Variants in CLEC18A observed in about 807,000 individuals in gnomAD.
CLEC18A encodes mannose receptor-like 1.
CLEC18A carries 5 observed loss-of-function variants against 24.0 expected under a neutral mutation model. The observed-to-expected ratio is 0.21, with a 90% CI of 0.11 to 0.44. CLEC18A has a LOEUF of 0.44. CLEC18A is among the 20% of genes least tolerant of loss of function. The pLI, the probability that CLEC18A is intolerant of heterozygous loss-of-function variation, is 0.99. For missense variants in CLEC18A, 83 were observed against 233.4 expected, an observed-to-expected ratio of 0.36 and a Z score of 4.20; for synonymous variants, 29 against 100.1, an observed-to-expected ratio of 0.29 and a Z score of 4.24.
downstream of CLEC18A, among the ~76,000 whole-genome samples, chr16:69,965,203 A>T (rs1202403376): frequency 6.6e-6 from 1 of 151,848 alleles, no homozygotes; most frequent in Non-Finnish European, 1.5e-5. Context: ...CGGGGTGATC[A>T]CACAGATGCC....
At chr16:69,947,022 AGGAAAGTCTTT>A (rs1234921087), upstream of CLEC18A, among the ~76,000 whole-genome samples, 3 of 81,574 alleles carry the variant, frequency 3.7e-5, no homozygotes, top group African/African-American at 1.3e-4. Context: ...GATCTTAGGG[AGGAAAGTCTTT>A]GGTCTCACTG....
the CLEC18A span, among the ~76,000 whole-genome samples, chr16:69,944,209 T>G: frequency 7.5e-6 from 1 of 133,668 alleles, no homozygotes; most frequent in Non-Finnish European, 1.8e-5. Flanking sequence ...AGCAGGAGAA[T>G]CGCTTGAACC....
the CLEC18A span, among the ~76,000 whole-genome samples, chr16:69,945,451 CA>C: frequency 6.6e-6 from 1 of 152,234 alleles, no homozygotes; most frequent in Non-Finnish European, 1.5e-5. Context: ...TATTCTTTTT[CA>C]AATGTGTTTT....
Position 69,955,642 on chromosome 16 carries a change from G to A in CLEC18A, c.456+1069G>A, listed in dbSNP as rs1351343384. Among the ~76,000 whole-genome samples the A allele has an allele frequency of 8.1e-5, 12 of 148,206 alleles. No individual in the cohort carries two copies. The South Asian group carries it at 1.5e-3, about 19-fold the overall frequency. Reference sequence around the variant, plus strand: ...GCTGGGATTACGCGTGTGAGACACCGCACCCAGCCTCAAACGTAAATTTAA... The same window carrying A: ...GCTGGGATTACGCGTGTGAGACACCACACCCAGCCTCAAACGTAAATTTAA... On this transcript the variant is annotated intron_variant, in intron 3 of 11. Coordinates refer to ENST00000288040, the MANE Select transcript of CLEC18A (RefSeq NM_001370523.4).
upstream of CLEC18A, among the ~76,000 whole-genome samples, chr16:69,948,461 T>G (rs1311852166): frequency 3.3e-5 from 5 of 151,296 alleles, 1 homozygote; most frequent in Non-Finnish European, 5.9e-5. Context: ...CAGGAAGAGA[T>G]AAAATGACTC....
At chr16:69,946,067 T>TGGA, upstream of CLEC18A, among the ~76,000 whole-genome samples, 1 of 115,190 alleles carries the variant, frequency 8.7e-6, no homozygotes, top group African/African-American at 3.4e-5. Flanking sequence ...CACTCCAGCC[T>TGGA]CAGTGACAGA....
intron 3 of CLEC18A, among the ~76,000 whole-genome samples, chr16:69,955,031 ACT>A (rs1190166616): frequency 7.3e-6 from 1 of 137,804 alleles, no homozygotes; most frequent in Non-Finnish European, 1.5e-5. Flanking sequence ...ACATGGTCTC[ACT>A]CTGTCACCCC....
chr16:69,946,830 T>A (rs1174444048), upstream of CLEC18A, among the ~76,000 whole-genome samples: 1 of 78,438 alleles, frequency 1.3e-5, no homozygotes, highest in African/African-American at 7.7e-5. Context: ...TTTTTTTTTT[T>A]TATACATTCC....
downstream of CLEC18A, chr16:69,964,474 T>G (rs1959288711): frequency 8.2e-6 from 1 of 121,236 alleles, no homozygotes; most frequent in Non-Finnish European, 1.9e-5. Context: ...TGTCATTTAT[T>G]TATTTTTTTT....
upstream of CLEC18A, among the ~76,000 whole-genome samples, chr16:69,945,895 C>A (rs1284862281): frequency 1.6e-4 from 25 of 151,622 alleles, no homozygotes; most frequent in Admixed American, 1.6e-3. Context: ...GAGTTCAAGA[C>A]CTGCCTGGCC....
chr16:69,953,914 G>A (rs1441095510), intron 2 of CLEC18A: 2 of 319,060 alleles, frequency 6.3e-6, no homozygotes, highest in African/African-American at 4.2e-5. Context: ...CTAGGGCAGA[G>A]AGGCGTGGCT....
chr16:69,946,103 AAAG>A (rs1313087149), upstream of CLEC18A, among the ~76,000 whole-genome samples: 2 of 47,992 alleles, frequency 4.2e-5, no homozygotes, highest in African/African-American at 2.8e-4. Context: ...AAAAAAAAAA[AAAG>A]AAAAGAAAAA....
upstream of CLEC18A, chr16:69,951,239 G>C (rs1418050217): frequency 6.5e-7 from 1 of 1,528,300 alleles, no homozygotes; most frequent in Non-Finnish European, 8.8e-7. Context: ...TCACTCACCA[G>C]CCTCCCTCTT....
At chr16:69,966,456 G>A (rs1447191875), downstream of CLEC18A, among the ~76,000 whole-genome samples, 1 of 138,988 alleles carries the variant, frequency 7.2e-6, no homozygotes, top group Non-Finnish European at 1.6e-5. Context: ...CCAAGATGGT[G>A]ATGCGAATGA....
rs2058944556 is a variant in CLEC18A, at chr16:69,951,377, C to T, written c.11C>T (p.Pro4Leu). The T allele has an allele frequency of 6.2e-7, 1 of 1,611,690 alleles. No individual in the cohort carries two copies. Among genetic ancestry groups the T allele is most frequent in the Admixed American group, 1.7e-5 (1 of 59,992 alleles). ...GGGCCCAACAGACCCATGCTGCATC[C>T]AGAGACCTCCCCTGGCCGGGGGCAT... The part of the protein sequence containing the change: MLH[P>L]ETSPGRGHLL... The change falls in exon 1 of 12, where the codon CCA (proline) becomes CTA (leucine). Residue 4 changes from proline (P) to leucine (L), a missense_variant. This residue lies in a region of CLEC18A where 1 missense variants were observed against 68.4 expected (regional missense o/e 0.01). Transcript: ENST00000288040.
upstream of CLEC18A, among the ~76,000 whole-genome samples, chr16:69,946,331 T>C (rs2152007993): frequency 7.0e-6 from 1 of 142,956 alleles, no homozygotes; most frequent in Admixed American, 7.3e-5. Context: ...GAAATGTCTA[T>C]GCATTTTTTT....
chr16:69,954,889 G>A (rs113328607), intron 3 of CLEC18A, among the ~76,000 whole-genome samples: 18 of 151,972 alleles, frequency 1.2e-4, no homozygotes, highest in Admixed American at 2.6e-4. Flanking sequence ...TAGTAGAGAT[G>A]GGGTTTTACC....
At chr16:69,964,686 G>T (rs1209034997), downstream of CLEC18A, among the ~76,000 whole-genome samples, 1 of 150,938 alleles carries the variant, frequency 6.6e-6, no homozygotes, top group African/African-American at 2.4e-5. Context: ...TGTATTTTTA[G>T]TAGAGACGGG....
At chr16:69,948,374 G>GTA (rs2058914653), upstream of CLEC18A, among the ~76,000 whole-genome samples, 1 of 126,534 alleles carries the variant, frequency 7.9e-6, no homozygotes, top group African/African-American at 3.3e-5. Context: ...AGAGTTAAAT[G>GTA]TTTTTTTTGT....
Sources: allele counts gnomAD v4.1 joint callset (sites outside exome capture counted in the v4.1 genomes callset), GRCh38; gene constraint gnomAD v4.1.1; regional missense constraint gnomAD v4.1.1; transcripts MANE v1.5; gene names NCBI Gene and HGNC (gene_info 2026-07-23, HGNC 2026-07-21).